ASB13: variants seen among roughly 807,000 people sequenced by gnomAD.
ASB13 encodes ankyrin repeat and SOCS box protein 13.
In ASB13, 33 loss-of-function variants were observed where a neutral mutation model predicts 28.8. The ratio of observed to expected loss-of-function variants is 1.15; its 90% CI spans 0.87 to 1.53. The LOEUF is 1.53. Among genes scored for constraint, ASB13 ranks in the 40% most tolerant of loss-of-function variants. ASB13 has a pLI of 0.00. For synonymous variants in ASB13, 182 were observed against 172.9 expected (o/e 1.05, Z -0.41); for missense variants, 414 against 390.1 (o/e 1.06, Z -0.52).
Position 5,641,838 on chromosome 10 carries a change from C to T in ASB13, c.641G>A (p.Arg214His), listed in dbSNP as rs1212459185. The T allele has an allele frequency of 3.7e-6, 6 of 1,613,566 alleles. No individual in the cohort carries two copies. In the Admixed American group the frequency reaches 6.7e-5, roughly 18 times the overall value. The change falls in exon 5 of 6, where the codon CGC becomes CAC. Residue 214 changes from arginine to histidine, a missense_variant. Arg to His is a conservative substitution (Grantham distance 29). Coordinates refer to ENST00000357700, the MANE Select transcript of ASB13 (RefSeq NM_024701.4). The surrounding 1 kb of genome is among the most constrained non-coding windows in gnomAD (Gnocchi z 8.4). The part of the protein sequence containing the change: ...FGGNIYARDN[R>H]GKKPSDYTWS... ...CGTGTAGTCAGACGGCTTCTTCCCG[C>T]GGTTGTCCCGGGCGTAGATGTTGCC...
In ASB13 at chr10:5,646,205, C is replaced by T. The variant is rs77788422; in HGVS notation, c.517+2765G>A. Among the ~76,000 whole-genome samples the T allele has an allele frequency of 6.4e-3, 981 of 152,348 alleles. 9 individuals are homozygous for T. Among genetic ancestry groups the T allele is most frequent in the Middle Eastern group, 0.027 (8 of 294 alleles). On this transcript the variant is annotated intron_variant, in intron 4 of 5. Coordinates refer to ENST00000357700, the MANE Select transcript of ASB13 (RefSeq NM_024701.4). ...GGCCTCACAGCTGCCCCTTCCTTTC[C>T]AGCCCCCACCCCCGACTGTGCTGCC...
At chr10:5,646,908 C>T (rs949891418) in intron 4 of ASB13, among the ~76,000 whole-genome samples, 12 of 152,012 alleles carry the variant, frequency 7.9e-5, no homozygotes, top group Non-Finnish European at 1.3e-4. Flanking sequence ...CGGCTGGAAA[C>T]GCTTACACCT....
At chr10:5,640,901 A>G (rs1392528688) in intron 5 of ASB13, 71 bp from the exon 6 acceptor site, 1 of 1,572,372 alleles carries the variant, frequency 6.4e-7, no homozygotes, top group Non-Finnish European at 8.7e-7. Flanking sequence ...ATGGAACACA[A>G]ACTCAGAGGG....
At chr10:5,646,832 A>G (rs4749988) in intron 4 of ASB13, among the ~76,000 whole-genome samples, 45,753 of 152,016 alleles carry the variant, frequency 0.3, 7,046 homozygotes, top group South Asian at 0.42. Context: ...CTGAGCTCAT[A>G]AAGGCTTGAT....
rs1160134787 is a variant in ASB13 at position 5,650,266 on chromosome 10, A to G, written c.382+947T>C. On this transcript the variant is annotated intron_variant, in intron 3 of 5. Coordinates refer to ENST00000357700, the MANE Select transcript of ASB13 (RefSeq NM_024701.4). This position sits in a 1 kb window ranked among gnomAD's most constrained non-coding sequence, Gnocchi z 6.0. ...CATCCCTCTGCTTCCAGGAGACCCC[A>G]GCCACCACTGCACCTCCGTCTATCT... Among the ~76,000 whole-genome samples, 1 of 152,164 alleles carries G rather than the reference A, an allele frequency of 6.6e-6. No individual in the cohort carries two copies. The highest frequency in any genetic ancestry group is 6.5e-5 in the Admixed American group (1 of 15,278).
rs1834870775 is a variant in ASB13, at chr10:5,645,462, C to A, written c.518-3501G>T. Among the ~76,000 whole-genome samples, 1 of 152,128 alleles carries A rather than the reference C, an allele frequency of 6.6e-6. No homozygotes were observed. Among genetic ancestry groups the A allele is most frequent in the Non-Finnish European group, 1.5e-5 (1 of 68,022 alleles). Reference sequence around the variant, plus strand: ...TTCACCATCATAACCGGACTTTCACCCTCCCCAGCCCTCCTCCTTTGCAAA... The same window carrying A: ...TTCACCATCATAACCGGACTTTCACACTCCCCAGCCCTCCTCCTTTGCAAA... On this transcript the variant is annotated intron_variant, in intron 4 of 5. Transcript: ENST00000357700. This position sits in a 1 kb window ranked among gnomAD's most constrained non-coding sequence, Gnocchi z 5.4.
Position 5,640,938 on chromosome 10 carries a change from G to A in ASB13, c.710-108C>T, listed in dbSNP as rs1022111239. ...ATCGGAAACGCCTCCCTTTCCCCTG[G>A]AACCGGGATGTGTCCTGTAGGCCTT... On this transcript the variant is annotated intron_variant, in intron 5 of 5. Transcript: ENST00000357700. The A allele has an allele frequency of 1.1e-5, 15 of 1,416,952 alleles. No homozygotes were observed. In the African/African-American group the frequency reaches 2.1e-4, roughly 20 times the overall value. 87.8% of individuals were successfully genotyped at this position (1,416,952 alleles called of 1,614,324 possible). A position where few individuals can be genotyped will look rare whatever the true frequency, so the allele number is the denominator to read the frequency against.
At position 5,663,067 on chromosome 10, in the gene ASB13, T is replaced by C. The variant is rs1030579956; in HGVS notation, c.43+3442A>G. 2.6e-5 allele frequency among the ~76,000 whole-genome samples: 4 copies of C among 152,198 alleles called. No homozygotes were observed. The highest frequency in any genetic ancestry group is 7.2e-5 in the African/African-American group (3 of 41,442). On this transcript the variant is annotated intron_variant, in intron 1 of 5. Transcript: ENST00000357700. The surrounding 1 kb of genome is among the most constrained non-coding windows in gnomAD (Gnocchi z 4.9). ...GTTTTCATTATGAATCCCCAAAATA[T>C]AGTTTGTCGGTAAACTTGAGGTCAA... is the stretch of plus-strand genomic sequence containing the variant.
rs139156623 is a variant in ASB13 at position 5,664,616 on chromosome 10, T to C, written c.43+1893A>G. ...GGGAGTGGGGGAGCAGCCAGTAGGT[T>C]AGAGGTTCATCTACCACAGAAGGAC... On this transcript the variant is annotated intron_variant, in intron 1 of 5. Transcript: ENST00000357700. This position sits in a 1 kb window ranked among gnomAD's most constrained non-coding sequence, Gnocchi z 4.2. 6.6e-6 allele frequency among the ~76,000 whole-genome samples: 1 copy of C among 152,194 alleles called. No individual in the cohort carries two copies. Among genetic ancestry groups the C allele is most frequent in the Non-Finnish European group, 1.5e-5 (1 of 68,034 alleles).
rs1377714055 is a variant in ASB13 at position 5,644,231 on chromosome 10, C to T, written c.518-2270G>A. The stretch of plus-strand genomic sequence containing the variant: ...ATGCTTGGGCCAGGTACAGGGCTCA[C>T]GCCTGTAATCTCAGCACTTTGGGAA... On this transcript the variant is annotated intron_variant, in intron 4 of 5. Coordinates refer to ENST00000357700, the MANE Select transcript of ASB13 (RefSeq NM_024701.4). This position sits in a 1 kb window ranked among gnomAD's most constrained non-coding sequence, Gnocchi z 5.1. 1.3e-5 allele frequency among the ~76,000 whole-genome samples: 2 copies of T among 152,190 alleles called. No homozygotes were observed. Among genetic ancestry groups the T allele is most frequent in the Non-Finnish European group, 2.9e-5 (2 of 68,034 alleles).
rs568681290 is a variant in ASB13 at position 5,642,375 on chromosome 10, G to C, written c.518-414C>G. ...GACACACACTGCTTCTTCCTCTTGC[G>C]GGCCCAGGACGGAGGCTCCAGAAAT... is the stretch of plus-strand genomic sequence containing the variant. On this transcript the variant is annotated intron_variant, in intron 4 of 5. Coordinates refer to ENST00000357700, the MANE Select transcript of ASB13 (RefSeq NM_024701.4). The surrounding 1 kb of genome is among the most constrained non-coding windows in gnomAD (Gnocchi z 4.1). The C allele has an allele frequency of 3.3e-6, 2 of 604,836 alleles. No homozygotes were observed. Among genetic ancestry groups the C allele is most frequent in the Non-Finnish European group, 4.6e-6 (2 of 437,934 alleles). The allele number at this position is 604,836 out of a possible 1,614,324, so 37.5% of individuals were successfully genotyped here.
At chr10:5,662,364 C>G (rs372688258) in intron 1 of ASB13, among the ~76,000 whole-genome samples, 1 of 151,676 alleles carries the variant, frequency 6.6e-6, no homozygotes, top group African/African-American at 2.4e-5. Flanking sequence ...ACTAAAAATA[C>G]AAAAATTAGC....
rs1357061559 is a variant in ASB13, at chr10:5,650,829, T to C, written c.382+384A>G. ...TTTGAGAGCACCACGCACAGCCTCC[T>C]GGCCCAGGCTGTTGGGACACGTTTC... On this transcript the variant is annotated intron_variant, in intron 3 of 5. Coordinates refer to ENST00000357700, the MANE Select transcript of ASB13 (RefSeq NM_024701.4). This position sits in a 1 kb window ranked among gnomAD's most constrained non-coding sequence, Gnocchi z 6.0. Among the ~76,000 whole-genome samples, 1 of 152,208 alleles carries C rather than the reference T, an allele frequency of 6.6e-6. No individual in the cohort carries two copies. Among genetic ancestry groups the C allele is most frequent in the Admixed American group, 6.5e-5 (1 of 15,280 alleles).
In ASB13 at chr10:5,640,525, A is replaced by G; in HGVS notation, c.*178T>C. 1.3e-6 allele frequency: 1 copy of G among 798,460 alleles called. No homozygotes were observed. Among genetic ancestry groups the G allele is most frequent in the South Asian group, 1.8e-5 (1 of 55,482 alleles). The allele number at this position is 798,460 out of a possible 1,614,324, so 49.5% of individuals were successfully genotyped here. ...GACCTGAGACGCAGGCCTTCCCAAC[A>G]CCCTGGAAACATTATCCAGGATCCA... On this transcript the variant is annotated 3_prime_UTR_variant, in exon 6 of 6. Coordinates refer to ENST00000357700, the MANE Select transcript of ASB13 (RefSeq NM_024701.4).
chr10:5,647,626 G>A (rs185134768), intron 4 of ASB13, among the ~76,000 whole-genome samples: 36 of 152,296 alleles, frequency 2.4e-4, no homozygotes, highest in Middle Eastern at 3.4e-3. Flanking sequence ...ACAGTGGCCT[G>A]TGATCTCTAG....
chr10:5,646,525 C>T (rs1005234934), intron 4 of ASB13, among the ~76,000 whole-genome samples: 1 of 152,184 alleles, frequency 6.6e-6, no homozygotes, highest in Non-Finnish European at 1.5e-5. Flanking sequence ...TAGGATGAAG[C>T]CAATACTGAG....
rs754410544 is a variant in ASB13, at chr10:5,659,489, C to G, written c.44-6439G>C. ...CAGCCGTGTCCAGTGACACCAAACT[C>G]TACCGACTCACACAGAGTCCAGTGG... On this transcript the variant is annotated intron_variant, in intron 1 of 5. Coordinates refer to ENST00000357700, the MANE Select transcript of ASB13 (RefSeq NM_024701.4). This position sits in a 1 kb window ranked among gnomAD's most constrained non-coding sequence, Gnocchi z 5.8. Among the ~76,000 whole-genome samples the G allele has an allele frequency of 2.0e-4, 30 of 152,334 alleles. No homozygotes were observed. The highest frequency in any genetic ancestry group is 9.8e-4 in the Admixed American group (15 of 15,310).
Position 5,660,110 on chromosome 10 carries a change from G to A in ASB13, c.43+6399C>T, listed in dbSNP as rs1835137000. 6.6e-6 allele frequency among the ~76,000 whole-genome samples: 1 copy of A among 152,172 alleles called. No homozygotes were observed. ...GGTGTTACACACTATGGCTCCTCCT[G>A]TTTACCTGCCGCCTGCAGGCCTGAG... On this transcript the variant is annotated intron_variant, in intron 1 of 5. Transcript: ENST00000357700. This position sits in a 1 kb window ranked among gnomAD's most constrained non-coding sequence, Gnocchi z 6.1.
At position 5,653,178 on chromosome 10, in the gene ASB13, T is replaced by C. The variant is rs1304965289; in HGVS notation, c.44-128A>G. The C allele has an allele frequency of 2.9e-6, 3 of 1,033,102 alleles. No homozygotes were observed. In the East Asian group the frequency reaches 8.0e-5, roughly 27 times the overall value. The allele number at this position is 1,033,102 out of a possible 1,614,324, so 64.0% of individuals were successfully genotyped here. A position where few individuals can be genotyped will look rare whatever the true frequency, so the allele number is the denominator to read the frequency against. On this transcript the variant is annotated intron_variant, in intron 1 of 5. Coordinates refer to ENST00000357700, the MANE Select transcript of ASB13 (RefSeq NM_024701.4). ...CGTGATCATGCAATTGTCCCAGCAC[T>C]TCTACAAAGATCCCTGAGCCACCCC...
Sources: gnomAD v4.1 joint callset for allele counts (sites outside exome capture counted in the v4.1 genomes callset) on GRCh38, gnomAD v4.1.1 for gene constraint, Gnocchi (gnomAD v3.1) non-coding constraint, MANE v1.5 for transcripts, NCBI Gene and HGNC (gene_info 2026-07-23, HGNC 2026-07-21) for gene names.